The following NCOR2 variants were observed in gnomAD, a reference collection of about 807,000 sequenced individuals.
The protein encoded by NCOR2 is CTG repeat protein 26.
In NCOR2, 81 loss-of-function variants were observed where a neutral mutation model predicts 262.9. The ratio of observed to expected loss-of-function variants is 0.31; its 90% confidence interval spans 0.26 to 0.37. The LOEUF (loss-of-function observed/expected upper bound fraction) is 0.37, where lower values mean the gene tolerates loss of function less well. NCOR2 is among the 10% of genes least tolerant of loss of function. NCOR2 has a pLI of 1.00. For synonymous variants in NCOR2, 1,659 were observed against 1,559.3 expected, an observed-to-expected ratio of 1.06 and a Z score of -1.51; for missense variants, 3,385 against 3,621.4, an observed-to-expected ratio of 0.93 and a Z score of 1.68.
chr12:124,335,643 C>A lies in NCOR2; in HGVS notation c.6116-11G>T. 6.3e-7 allele frequency: 1 copy of A among 1,589,976 alleles called. No individual in the cohort carries two copies. ...TGCTGCCGTGGTAACCTAGGGCAGG[C>A]GGGGGGTGCAGAGTCAGGCACCGGG... On this transcript the variant is annotated splice_polypyrimidine_tract_variant and intron_variant, in intron 38 of 46. Coordinates refer to ENST00000405201, the Ensembl canonical transcript of NCOR2.
intron 18 of NCOR2, among the ~76,000 whole-genome samples, chr12:124,377,902 T>C (rs867276667): frequency 4.0e-5 from 6 of 151,458 alleles, no homozygotes; most frequent in African/African-American, 9.7e-5. Flanking sequence ...TGACATCGGA[T>C]GGGGTGAAAG....
At chr12:124,393,175 C>A (rs2041428291) in intron 16 of NCOR2, among the ~76,000 whole-genome samples, 1 of 152,202 alleles carries the variant, frequency 6.6e-6, no homozygotes, top group Non-Finnish European at 1.5e-5. Flanking sequence ...CCAAGCCAGG[C>A]CAGGCTGACC....
At chr12:124,361,720 T>G (rs1224397644) in intron 22 of NCOR2, among the ~76,000 whole-genome samples, 2 of 152,216 alleles carry the variant, frequency 1.3e-5, no homozygotes, top group African/African-American at 4.8e-5. Flanking sequence ...CGTGGACTGA[T>G]TCACACCGAA....
chr12:124,355,610 C>A, intron 23 of NCOR2, 39 bp from the exon 26 acceptor site: 3 of 1,512,114 alleles, frequency 2.0e-6, no homozygotes, highest in East Asian at 2.3e-5. Flanking sequence ...GGCCCAGGAG[C>A]GGTCACGTCC....
chr12:124,438,778 CAGAG>C (rs56072801), intron 7 of NCOR2, among the ~76,000 whole-genome samples: 11,057 of 60,190 alleles, frequency 0.18, 1,257 homozygotes, highest in South Asian at 0.31. Context: ...CCCAGAGAGA[CAGAG>C]AGAGAGAGAG....
chr12:124,528,739 A>ACAT (rs1333858797), intron 1 of NCOR2, among the ~76,000 whole-genome samples: 4 of 152,286 alleles, frequency 2.6e-5, no homozygotes, highest in African/African-American at 7.2e-5. Flanking sequence ...ACTGGCAAAC[A>ACAT]CATCACTGCA....
intron 17 of NCOR2, among the ~76,000 whole-genome samples, chr12:124,382,867 G>A (rs1308329106): frequency 6.6e-6 from 1 of 152,206 alleles, no homozygotes; most frequent in Non-Finnish European, 1.5e-5. Flanking sequence ...ACAGCCCTAC[G>A]ACTGGGTCCC....
At chr12:124,501,999 G>A (rs1038753676) in intron 1 of NCOR2, among the ~76,000 whole-genome samples, 2 of 152,204 alleles carry the variant, frequency 1.3e-5, no homozygotes, top group African/African-American at 4.8e-5. Flanking sequence ...TCCACGGGTC[G>A]AGCTGTTGAC....
intron 44 of NCOR2, among the ~76,000 whole-genome samples, chr12:124,328,194 T>G (rs1420997390): frequency 2.0e-4 from 1 of 5,112 alleles, no homozygotes; most frequent in Non-Finnish European, 0.014. Context: ...CTGCCCCACC[T>G]CCACCTGTGT....
At position 124,548,440 on chromosome 12, in the gene NCOR2, A is replaced by C. The variant is rs1345514020; in HGVS notation, c.-164-12829T>G. Among the ~76,000 whole-genome samples the C allele has an allele frequency of 6.6e-6, 1 of 152,098 alleles. No individual in the cohort carries two copies. The highest frequency in any genetic ancestry group is 1.5e-5 in the Non-Finnish European group (1 of 68,014). On this transcript the variant is annotated intron_variant, in intron 1 of 32. Transcript: ENST00000458234. The surrounding 1 kb of genome is among the most constrained non-coding windows in gnomAD (Gnocchi z 5.1). Reference sequence around the variant, plus strand: ...TGACCAGAGTGGACTGGGGACCCCGAAGAGGCTACTGCAGTCGTCCAAGCC... The same window carrying C: ...TGACCAGAGTGGACTGGGGACCCCGCAGAGGCTACTGCAGTCGTCCAAGCC...
intron 6 of NCOR2, among the ~76,000 whole-genome samples, chr12:124,456,780 G>A (rs1281112445): frequency 6.6e-6 from 1 of 152,206 alleles, no homozygotes; most frequent in Non-Finnish European, 1.5e-5. Context: ...GCGCTCAGCT[G>A]GAGCAAGCGC....
At position 124,376,145 on chromosome 12, in the gene NCOR2, G is replaced by A. The variant is rs963061953; in HGVS notation, c.2168-1682C>T. ...CTGGGCACCAGGAGGCTTAATCAGG[G>A]CCTCTCACCTGCCGTCCCTGATCTC... On this transcript the variant is annotated intron_variant, in intron 18 of 46. Transcript: ENST00000405201. 8.5e-5 allele frequency among the ~76,000 whole-genome samples: 13 copies of A among 152,296 alleles called. No homozygotes were observed. In the East Asian group the frequency reaches 2.5e-3, roughly 29 times the overall value.
At chr12:124,424,225 A>C (rs1452210209) in intron 11 of NCOR2, among the ~76,000 whole-genome samples, 1 of 152,234 alleles carries the variant, frequency 6.6e-6, no homozygotes, top group Non-Finnish European at 1.5e-5. Flanking sequence ...TTTCAGAAAA[A>C]ATACATACAC....
chr12:124,324,467 C>T (rs1349517854), exon 47 of NCOR2: 1 of 152,192 alleles, frequency 6.6e-6, no homozygotes, highest in Non-Finnish European at 1.5e-5. Flanking sequence ...GACAGAATAC[C>T]ACCACCCTGC....
chr12:124,533,871 T>A (rs1245990303), intron 1 of NCOR2, among the ~76,000 whole-genome samples: 1 of 151,884 alleles, frequency 6.6e-6, no homozygotes, highest in Non-Finnish European at 1.5e-5. Context: ...CAGGATGCCT[T>A]TGAATGTGGC....
chr12:124,550,582 G>T (rs1318640170), intron 1 of NCOR2, among the ~76,000 whole-genome samples: 3 of 152,160 alleles, frequency 2.0e-5, no homozygotes, highest in African/African-American at 7.2e-5. Context: ...GTCTCTCTCT[G>T]GGGGGTAGGA....
chr12:124,511,909 C>T (rs2049414634), intron 1 of NCOR2, among the ~76,000 whole-genome samples: 1 of 152,186 alleles, frequency 6.6e-6, no homozygotes, highest in South Asian at 2.1e-4. Flanking sequence ...CTTAAAACAA[C>T]AGTGATTTAT....
intron 5 of NCOR2, among the ~76,000 whole-genome samples, chr12:124,462,160 C>T (rs2046198311): frequency 6.6e-6 from 1 of 152,204 alleles, no homozygotes; most frequent in African/African-American, 2.4e-5. Flanking sequence ...CACCCGTATA[C>T]ACACGTGTAC....
At chr12:124,430,810 G>A in intron 8 of NCOR2, 23 bp from the exon 11 acceptor site, 1 of 1,581,750 alleles carries the variant, frequency 6.3e-7, no homozygotes, top group Non-Finnish European at 8.6e-7. Context: ...AGGGGGCACT[G>A]CGGAAGATGC....
Sources: gnomAD v4.1 joint callset for allele counts (sites outside exome capture counted in the v4.1 genomes callset) on GRCh38, gnomAD v4.1.1 for gene constraint, Gnocchi (gnomAD v3.1) non-coding constraint, MANE v1.5 for transcripts, NCBI Gene and HGNC (gene_info 2026-07-23, HGNC 2026-07-21) for gene names.